Variants in TRMT2B observed in about 807,000 individuals in gnomAD.
TRMT2B encodes the protein tRNA methyltransferase 2B, also known as tRNA (uracil-5-)-methyltransferase homolog B.
In TRMT2B, 34 loss-of-function variants were observed where a neutral mutation model predicts 39.7. That is an observed-to-expected ratio of 0.86 (90% confidence interval 0.65 to 1.14). TRMT2B has a LOEUF of 1.14. Ranked by LOEUF, TRMT2B falls within the 50% of genes most tolerant of loss-of-function variation. TRMT2B has a pLI of 0.00. For synonymous variants in TRMT2B, 132 were observed against 137.3 expected (o/e 0.96, Z 0.27); for missense variants, 318 against 377.2 (o/e 0.84, Z 1.30).
At chrX:100,974,871 T>C in the TRMT2B span, among the ~76,000 whole-genome samples, 2 of 111,594 alleles carry the variant, frequency 1.8e-5, no homozygotes, top group African/African-American at 3.3e-5. Flanking sequence ...AATGAAGTAG[T>C]ATGATGACGT....
chrX:101,046,910 G>A (rs751057041), intron 2 of TRMT2B, among the ~76,000 whole-genome samples: 1 of 109,696 alleles, frequency 9.1e-6, no homozygotes, highest in South Asian at 3.9e-4. Context: ...TGGGCAACAA[G>A]AGCGAAACTC....
At chrX:100,973,759 A>G in the TRMT2B span, 3 of 1,207,402 alleles carry the variant, frequency 2.5e-6, no homozygotes, top group Non-Finnish European at 3.4e-6. Flanking sequence ...GTAATATTAC[A>G]ATTATTTCCC....
chrX:101,017,045 G>A (rs2086563207), intron 13 of TRMT2B, among the ~76,000 whole-genome samples: 1 of 109,345 alleles, frequency 9.1e-6, no homozygotes, highest in African/African-American at 3.3e-5. Flanking sequence ...TGTGGCACGT[G>A]CCTGTAATTC....
chrX:101,046,832 A>T (rs907946002), intron 2 of TRMT2B, among the ~76,000 whole-genome samples: 2 of 111,320 alleles, frequency 1.8e-5, no homozygotes, highest in Admixed American at 9.6e-5. Flanking sequence ...AGGCTGAGGC[A>T]GGAGAATCGC....
At chrX:101,018,906 G>A (rs2086659373) in intron 13 of TRMT2B, 65 bp downstream of exon 13, 2 of 731,783 alleles carry the variant, frequency 2.7e-6, no homozygotes, top group South Asian at 2.2e-5. Flanking sequence ...CCAATTGTGT[G>A]TACAATAAGC....
chrX:100,973,994 G>A, the TRMT2B span: 1 of 578,501 alleles, frequency 1.7e-6, no homozygotes, highest in Non-Finnish European at 2.8e-6. Context: ...TGCTTTGGCT[G>A]GGCCTTTTAT....
chrX:100,984,626 T>C, the TRMT2B span, among the ~76,000 whole-genome samples: 1 of 112,647 alleles, frequency 8.9e-6, no homozygotes, highest in Non-Finnish European at 1.9e-5. Context: ...TAAACATTTA[T>C]TGAACACCTA....
intron 2 of TRMT2B, among the ~76,000 whole-genome samples, chrX:101,042,515 T>C (rs2088302860): frequency 8.9e-6 from 1 of 111,753 alleles, no homozygotes; most frequent in African/African-American, 3.2e-5. Flanking sequence ...ATGAGGAAAA[T>C]ATAGTCTCTG....
At chrX:101,012,204 G>T (rs1440283141) in intron 13 of TRMT2B, among the ~76,000 whole-genome samples, 1 of 110,408 alleles carries the variant, frequency 9.1e-6, no homozygotes, top group Non-Finnish European at 1.9e-5. Context: ...TGACAGCACA[G>T]TAAGTTTGTT....
Position 101,021,116 on chromosome X carries a change from T to C in TRMT2B, c.1051A>G (p.Ile351Val). Residue 351 changes from isoleucine to valine, a missense_variant, in exon 10 of 14, where the codon ATC becomes GTC. Transcript: ENST00000372936. ...TTCCACTTGCCAGTTCCACAGCAGA[T>C]GTCAAGAAGGATGGTGTCAGAGTTC... Reference protein sequence around the residue: ...GVNSDTILLDICCGTGVIGLS... With the variant: ...GVNSDTILLDVCCGTGVIGLS... 8.3e-7 allele frequency: 1 copy of C among 1,210,504 alleles called. No individual in the cohort carries two copies. The highest frequency in any genetic ancestry group is 1.1e-6 in the Non-Finnish European group (1 of 895,089).
intron 5 of TRMT2B, 97 bp from the exon 6 acceptor site, chrX:101,037,170 C>A (rs2087893636): frequency 1.5e-6 from 1 of 679,415 alleles, no homozygotes; most frequent in Non-Finnish European, 2.4e-6. Context: ...TGGATGAGGA[C>A]AAATAAGGTT....
the TRMT2B span, among the ~76,000 whole-genome samples, chrX:101,003,245 A>G: frequency 9.1e-6 from 1 of 110,257 alleles, no homozygotes; most frequent in African/African-American, 3.3e-5. Context: ...AAAAATATTA[A>G]ATGACTGAGT....
the TRMT2B span, among the ~76,000 whole-genome samples, chrX:100,977,369 C>CTTTTTTTTTTTTTTT: frequency 2.1e-4 from 12 of 56,457 alleles, 1 homozygote; most frequent in African/African-American, 8.6e-4. Flanking sequence ...CTACTCTCTT[C>CTTTTTTTTTTTTTTT]TTTTTTTTTT....
intron 7 of TRMT2B, among the ~76,000 whole-genome samples, chrX:101,031,441 C>T (rs1167919705): frequency 2.7e-5 from 3 of 112,461 alleles, no homozygotes; most frequent in Non-Finnish European, 5.6e-5. Flanking sequence ...GGCATGGTGG[C>T]TCACGCCTGT....
chrX:100,988,851 C>CAT, the TRMT2B span, among the ~76,000 whole-genome samples: 5,696 of 79,525 alleles, frequency 0.072, 198 homozygotes, highest in Admixed American at 0.092. Context: ...TAATATATCT[C>CAT]ATATATATAT....
At chrX:101,033,928 C>T (rs772432812) in intron 7 of TRMT2B, among the ~76,000 whole-genome samples, 10 of 108,440 alleles carry the variant, frequency 9.2e-5, no homozygotes, top group African/African-American at 3.0e-4. Flanking sequence ...CCGCAACCTC[C>T]GCCTCCTGGG....
intron 11 of TRMT2B, among the ~76,000 whole-genome samples, chrX:101,019,789 C>T (rs927019606): frequency 5.5e-5 from 6 of 108,959 alleles, no homozygotes; most frequent in African/African-American, 2.0e-4. Flanking sequence ...CCTGCCACCA[C>T]GACCGGCTAA....
chrX:101,038,044 A>C lies in TRMT2B; in HGVS notation c.311T>G (p.Phe104Cys). Residue 104 changes from phenylalanine to cysteine, a missense_variant, in exon 5 of 14, where the codon TTT becomes TGT. By Grantham distance (205) the Phe-to-Cys change is radical. Coordinates refer to ENST00000372936, the MANE Select transcript of TRMT2B (RefSeq NM_024917.6). ...LSYEEQLKVKFAAQKKILQRL... is the reference protein window; with the variant it reads ...LSYEEQLKVKCAAQKKILQRL... ...TTGTAAAATTTTCTTCTGAGCTGCA[A>C]ATTTCACCTGCAAAAGAATATAAGC... The C allele has an allele frequency of 1.7e-5, 21 of 1,209,871 alleles. No homozygotes were observed. The highest frequency in any genetic ancestry group is 1.2e-4 in the African/African-American group (7 of 57,553).
the TRMT2B span, among the ~76,000 whole-genome samples, chrX:100,989,833 G>A: frequency 8.9e-6 from 1 of 111,967 alleles, no homozygotes; most frequent in Non-Finnish European, 1.9e-5. Context: ...TGGAGCTTTG[G>A]GTTGTCACAC....
Sources: allele counts gnomAD v4.1 joint callset (sites outside exome capture counted in the v4.1 genomes callset), GRCh38; gene constraint gnomAD v4.1.1; transcripts MANE v1.5; gene names NCBI Gene and HGNC (gene_info 2026-07-23, HGNC 2026-07-21).